IPMK: variants seen among roughly 807,000 people sequenced by gnomAD.
The protein encoded by IPMK is inositol polyphosphate multikinase.
In IPMK, 17 loss-of-function variants were observed where a neutral mutation model predicts 45.8. The ratio of observed to expected loss-of-function variants is 0.37; its 90% CI spans 0.25 to 0.56. IPMK has a LOEUF of 0.56. Among genes scored for constraint, IPMK ranks in the 20% least tolerant of loss-of-function variants. The pLI, the probability that IPMK is intolerant of heterozygous loss-of-function variation, is 0.79. For missense variants in IPMK, 399 were observed against 498.0 expected, an observed-to-expected ratio of 0.80 and a Z score of 1.89; for synonymous variants, 180 against 184.3, an observed-to-expected ratio of 0.98 and a Z score of 0.19.
At chr10:58,219,148 G>A (rs555456872) in intron 3 of IPMK, among the ~76,000 whole-genome samples, 1 of 152,304 alleles carries the variant, frequency 6.6e-6, no homozygotes, top group South Asian at 2.1e-4. Flanking sequence ...AAAACCATAA[G>A]TTAAGCCTAG....
intron 3 of IPMK, among the ~76,000 whole-genome samples, chr10:58,225,110 G>GT (rs940583752): frequency 6.6e-6 from 1 of 152,050 alleles, no homozygotes; most frequent in African/African-American, 2.4e-5. Context: ...TTTATTCCTT[G>GT]TCCTTTTTTC....
At chr10:58,208,974 T>C (rs959718404) in intron 4 of IPMK, among the ~76,000 whole-genome samples, 7 of 152,224 alleles carry the variant, frequency 4.6e-5, no homozygotes, top group Admixed American at 2.0e-4. Context: ...ACAGCTTCCC[T>C]ACCAAGTCAG....
At chr10:58,201,292 C>A (rs1837993842) in intron 4 of IPMK, among the ~76,000 whole-genome samples, 1 of 152,176 alleles carries the variant, frequency 6.6e-6, no homozygotes, top group South Asian at 2.1e-4. Context: ...AGGTCTGTGG[C>A]AGCTTGAGCA....
At chr10:58,254,455 G>C (rs1380822707) in intron 1 of IPMK, among the ~76,000 whole-genome samples, 2 of 151,680 alleles carry the variant, frequency 1.3e-5, no homozygotes, top group Non-Finnish European at 2.9e-5. Flanking sequence ...ATTTCATTTA[G>C]ATTTCTATCC....
intron 4 of IPMK, among the ~76,000 whole-genome samples, chr10:58,200,112 T>C (rs1275533414): frequency 6.6e-6 from 1 of 152,136 alleles, no homozygotes; most frequent in Admixed American, 6.5e-5. Flanking sequence ...ATAATAAAAA[T>C]ACCAACTTTT....
In IPMK at chr10:58,194,656, A is replaced by C. The variant is rs1321646401; in HGVS notation, c.*1420T>G. The C allele has an allele frequency of 6.6e-6, 1 of 151,976 alleles. No individual in the cohort carries two copies. The highest frequency in any genetic ancestry group is 2.4e-5 in the African/African-American group (1 of 41,444). 9.4% of individuals were successfully genotyped at this position (151,976 alleles called of 1,614,324 possible). A position where few individuals can be genotyped will look rare whatever the true frequency, so the allele number is the denominator to read the frequency against. ...CACAATAAAGGTGCTCGGATTTAAA[A>C]ATTCAATTTGTAACTCCAGAAGAAA... On this transcript the variant is annotated 3_prime_UTR_variant, in exon 6 of 6. Transcript: ENST00000373935.
chr10:58,245,762 C>T (rs1187304351), intron 1 of IPMK, among the ~76,000 whole-genome samples: 18 of 151,244 alleles, frequency 1.2e-4, no homozygotes, highest in African/African-American at 3.4e-4. Flanking sequence ...GATGCCCTCT[C>T]TCACCACTCC....
At chr10:58,229,396 C>T (rs1838472483) in intron 2 of IPMK, among the ~76,000 whole-genome samples, 1 of 151,768 alleles carries the variant, frequency 6.6e-6, no homozygotes, top group Admixed American at 6.6e-5. Flanking sequence ...AACCCTGTCT[C>T]TACCAAAAAT....
intron 2 of IPMK, among the ~76,000 whole-genome samples, chr10:58,234,838 C>A (rs1469427412): frequency 1.3e-5 from 2 of 152,130 alleles, no homozygotes; most frequent in East Asian, 3.9e-4. Flanking sequence ...AACTGAAGAG[C>A]TTCTGCATGG....
intron 4 of IPMK, among the ~76,000 whole-genome samples, chr10:58,203,932 C>G (rs764946453): frequency 5.9e-5 from 9 of 152,198 alleles, no homozygotes; most frequent in Non-Finnish European, 1.2e-4. Flanking sequence ...TCAGCAGCCA[C>G]CACCCTGATC....
intron 3 of IPMK, among the ~76,000 whole-genome samples, chr10:58,223,144 T>C (rs145253019): frequency 0.027 from 4,072 of 152,244 alleles, 75 homozygotes; most frequent in Middle Eastern, 0.051. Flanking sequence ...CAAAAACCTA[T>C]TGAAATTTTA....
In IPMK at chr10:58,227,074, A is replaced by G. The variant is rs369274208; in HGVS notation, c.342T>C (p.Tyr114=). ...LELRKYLPKY[Y]GIWSPPTAPN... ...GTGCAGTGGGAGGTGACCAGATGCC[A>G]TAATATTTTGGCAAATATTTTCGTA... Residue 114 remains tyrosine, a synonymous_variant, in exon 3 of 6, where the codon TAT becomes TAC. Coordinates refer to ENST00000373935, the MANE Select transcript of IPMK (RefSeq NM_152230.5). The G allele has an allele frequency of 1.5e-5, 24 of 1,613,090 alleles. No individual in the cohort carries two copies. The highest frequency in any genetic ancestry group is 1.9e-5 in the Non-Finnish European group (22 of 1,179,352).
Position 58,200,688 on chromosome 10 carries a change from C to A in IPMK, c.547-1367G>T, listed in dbSNP as rs1837983902. Among the ~76,000 whole-genome samples the A allele has an allele frequency of 2.0e-5, 3 of 152,110 alleles. No homozygotes were observed. The South Asian group carries it at 6.2e-4, about 31-fold the overall frequency. On this transcript the variant is annotated intron_variant, in intron 4 of 5. Transcript: ENST00000373935. The stretch of plus-strand genomic sequence containing the variant: ...AGGAAAAAAGTAACTTGTATTCATA[C>A]CTGATATCTTATGTCAGGATAAATT...
intron 1 of IPMK, among the ~76,000 whole-genome samples, chr10:58,250,096 T>C (rs1838860621): frequency 6.6e-6 from 1 of 152,228 alleles, no homozygotes; most frequent in Non-Finnish European, 1.5e-5. Flanking sequence ...AGCTATGTGG[T>C]AAATTTTGAA....
chr10:58,257,997 C>A (rs538326383), intron 1 of IPMK, among the ~76,000 whole-genome samples: 2 of 152,284 alleles, frequency 1.3e-5, no homozygotes, highest in East Asian at 3.9e-4. Flanking sequence ...TCCACAATTA[C>A]TTTCTCAATA....
chr10:58,234,073 A>T (rs182131674), intron 2 of IPMK, among the ~76,000 whole-genome samples: 1 of 152,328 alleles, frequency 6.6e-6, no homozygotes, highest in East Asian at 1.9e-4. Context: ...CAATTGCTAC[A>T]AAGAGAATAA....
chr10:58,226,703 A>G (rs1416787652), intron 3 of IPMK, among the ~76,000 whole-genome samples: 2 of 152,192 alleles, frequency 1.3e-5, no homozygotes, highest in Non-Finnish European at 2.9e-5. Flanking sequence ...TCATGCAGAG[A>G]CAATATTTTT....
chr10:58,220,031 G>T (rs1255585122), intron 3 of IPMK, among the ~76,000 whole-genome samples: 2 of 152,158 alleles, frequency 1.3e-5, no homozygotes, highest in African/African-American at 4.8e-5. Flanking sequence ...ATCATACTTT[G>T]GGAATCCAGC....
chr10:58,229,428 C>T (rs1006437620), intron 2 of IPMK, among the ~76,000 whole-genome samples: 6 of 151,528 alleles, frequency 4.0e-5, no homozygotes, highest in Admixed American at 1.3e-4. Context: ...CTGGGCTGGG[C>T]GGCATGCACC....
Sources: allele counts gnomAD v4.1 joint callset (sites outside exome capture counted in the v4.1 genomes callset), GRCh38; gene constraint gnomAD v4.1.1; transcripts MANE v1.5; gene names NCBI Gene and HGNC (gene_info 2026-07-23, HGNC 2026-07-21).